TPO: variants seen among roughly 807,000 people sequenced by gnomAD.
The protein encoded by TPO is thyroid microsomal antigen.
A neutral mutation model predicts 96.9 loss-of-function variants in TPO; 78 were observed. The ratio of observed to expected loss-of-function variants is 0.81; its 90% confidence interval spans 0.67 to 0.97. The LOEUF is 0.97. TPO is among the 50% of genes least tolerant of loss of function. TPO has a pLI of 0.00. For missense variants in TPO, 1,252 were observed against 1,274.8 expected, an observed-to-expected ratio of 0.98 and a Z score of 0.27; for synonymous variants, 547 against 538.0, an observed-to-expected ratio of 1.02 and a Z score of -0.23.
At chr2:1,447,105 T>G (rs189056950) in intron 5 of TPO, among the ~76,000 whole-genome samples, 1 of 152,282 alleles carries the variant, frequency 6.6e-6, no homozygotes, top group Admixed American at 6.5e-5. Flanking sequence ...CCTGAAAAAC[T>G]AATCTGACCG....
At chr2:1,537,449 T>TCCCCACTGTGAGCAACCTCCCAAAGTCC (rs1680026350) in intron 15 of TPO, among the ~76,000 whole-genome samples, 1 of 31,294 alleles carries the variant, frequency 3.2e-5, no homozygotes, top group Non-Finnish European at 5.7e-5. Flanking sequence ...CTCCCAAATC[T>TCCCCACTGTGAGCAACCTCCCAAAGTCC]CCCCACTGTG....
At chr2:1,374,725 C>CTTTTT (rs11292664) in intron 1 of TPO, among the ~76,000 whole-genome samples, 2 of 136,798 alleles carry the variant, frequency 1.5e-5, no homozygotes, top group South Asian at 2.4e-4. Flanking sequence ...TTCTTTCTTT[C>CTTTTT]TTTTTTTTTT....
At chr2:1,376,233 T>A (rs557284782) in intron 1 of TPO, among the ~76,000 whole-genome samples, 6 of 152,216 alleles carry the variant, frequency 3.9e-5, no homozygotes, top group Non-Finnish European at 7.3e-5. Context: ...AATGTCTCGC[T>A]CTGAAACTGA....
intron 11 of TPO, among the ~76,000 whole-genome samples, chr2:1,495,183 C>T (rs551198581): frequency 2.6e-4 from 40 of 152,182 alleles, no homozygotes; most frequent in Non-Finnish European, 4.7e-4. Context: ...TATTTATGAC[C>T]ACATATCTCC....
chr2:1,445,036 A>G (rs12993998), intron 5 of TPO, among the ~76,000 whole-genome samples: 4 of 15,390 alleles, frequency 2.6e-4, no homozygotes, highest in African/African-American at 3.6e-4. Flanking sequence ...AAGGGAATGG[A>G]GCTGGCTCCT....
chr2:1,526,696 C>CCT (rs112081288), intron 15 of TPO, among the ~76,000 whole-genome samples: 19,738 of 71,220 alleles, frequency 0.28, 4,901 homozygotes, highest in Non-Finnish European at 0.36. Flanking sequence ...AATCCCCCCC[C>CCT]CACTGTATGC....
intron 4 of TPO, among the ~76,000 whole-genome samples, 187 bp downstream of exon 4, chr2:1,433,794 T>C (rs1361339758): frequency 6.6e-6 from 1 of 152,236 alleles, no homozygotes; most frequent in Non-Finnish European, 1.5e-5. Flanking sequence ...CAATATCTTA[T>C]TTTTGTTACT....
chr2:1,387,739 T>G (rs2148352945), intron 1 of TPO, among the ~76,000 whole-genome samples: 1 of 152,384 alleles, frequency 6.6e-6, no homozygotes, highest in African/African-American at 2.4e-5. Context: ...TCCAGCTTTG[T>G]TCCATTGCTG....
chr2:1,472,100 T>C (rs1669479174), intron 7 of TPO, among the ~76,000 whole-genome samples: 1 of 152,058 alleles, frequency 6.6e-6, no homozygotes, highest in Non-Finnish European at 1.5e-5. Flanking sequence ...ATGATGCAAA[T>C]GCTCACAGCA....
intron 12 of TPO, 27 bp from the exon 13 acceptor site, chr2:1,496,568 A>G (rs376298555): frequency 3.8e-5 from 61 of 1,613,130 alleles, no homozygotes; most frequent in Non-Finnish European, 5.1e-5. Flanking sequence ...TAGTTTGACT[A>G]CATGTCAACC....
At chr2:1,457,764 G>C (rs764528770) in intron 7 of TPO, among the ~76,000 whole-genome samples, 17 of 152,082 alleles carry the variant, frequency 1.1e-4, no homozygotes, top group Non-Finnish European at 2.4e-4. Context: ...GTGGGCACAT[G>C]TATTGGCACA....
chr2:1,481,437 G>T (rs1196026557), intron 8 of TPO, among the ~76,000 whole-genome samples: 1 of 152,156 alleles, frequency 6.6e-6, no homozygotes, highest in African/African-American at 2.4e-5. Flanking sequence ...CCGGCCATCA[G>T]ATAGCAGACC....
rs190870603 is a variant in TPO, at chr2:1,467,169, T to A, written c.820-9917T>A. On this transcript the variant is annotated intron_variant, in intron 7 of 16. Transcript: ENST00000329066. ...CCCAGGCTGGAGTGTAGTGGCACAATCTCGGCTGATTGCAACCTCTGCCTC... is the reference window on the plus strand; with the variant it reads ...CCCAGGCTGGAGTGTAGTGGCACAAACTCGGCTGATTGCAACCTCTGCCTC... Among the ~76,000 whole-genome samples the A allele has an allele frequency of 3.6e-3, 552 of 152,140 alleles. 2 individuals are homozygous for A. The highest frequency in any genetic ancestry group is 5.9e-3 in the Admixed American group (90 of 15,288).
intron 1 of TPO, among the ~76,000 whole-genome samples, chr2:1,392,820 A>G (rs938192736): frequency 6.6e-6 from 1 of 152,050 alleles, no homozygotes; most frequent in Non-Finnish European, 1.5e-5. Flanking sequence ...AGTTTGTATT[A>G]TTGTGGGATT....
chr2:1,447,258 C>T (rs778525300), intron 5 of TPO, among the ~76,000 whole-genome samples: 6 of 152,180 alleles, frequency 3.9e-5, no homozygotes, highest in African/African-American at 7.2e-5. Flanking sequence ...TTCACCTGCA[C>T]GATGAAACCT....
At chr2:1,412,435 T>G (rs1485642936), upstream of TPO, among the ~76,000 whole-genome samples, 2 of 152,174 alleles carry the variant, frequency 1.3e-5, no homozygotes, top group African/African-American at 4.8e-5. Context: ...ATTATATCAC[T>G]GTTGGCTGAT....
rs551099354 is a variant in TPO at position 1,502,173 on chromosome 2, C to A, written c.2387-1775C>A. On this transcript the variant is annotated intron_variant, in intron 13 of 16. Coordinates refer to ENST00000329066, the MANE Select transcript of TPO (RefSeq NM_001206744.2). Reference sequence around the variant, plus strand: ...CCTACCCCAGAGGCGGCTGCAGATGCCTTCACACAGCTCTGGTGCTCCACA... The same window carrying A: ...CCTACCCCAGAGGCGGCTGCAGATGACTTCACACAGCTCTGGTGCTCCACA... Among the ~76,000 whole-genome samples the A allele has an allele frequency of 3.3e-5, 5 of 152,194 alleles. 1 individual carries two copies. Among genetic ancestry groups the A allele is most frequent in the African/African-American group, 1.2e-4 (5 of 41,538 alleles).
At chr2:1,492,905 G>A (rs1671911603) in intron 10 of TPO, among the ~76,000 whole-genome samples, 1 of 152,182 alleles carries the variant, frequency 6.6e-6, no homozygotes, top group African/African-American at 2.4e-5. Flanking sequence ...CATCCTTGAG[G>A]AGGGAGCACT....
At chr2:1,437,159 G>T (rs1362122795) in intron 5 of TPO, among the ~76,000 whole-genome samples, 2 of 152,232 alleles carry the variant, frequency 1.3e-5, no homozygotes, top group African/African-American at 4.8e-5. Context: ...GGGTAGAGAA[G>T]AGGGCTTTGC....
Sources: gnomAD v4.1 joint callset for allele counts (sites outside exome capture counted in the v4.1 genomes callset) on GRCh38, gnomAD v4.1.1 for gene constraint, MANE v1.5 for transcripts, NCBI Gene and HGNC (gene_info 2026-07-23, HGNC 2026-07-21) for gene names.